EREG: variants seen among roughly 807,000 people sequenced by gnomAD.
The protein encoded by EREG is proepiregulin.
Under a neutral mutation model 22.4 loss-of-function variants are expected in EREG, and 23 were observed. The observed-to-expected ratio is 1.03, with a 90% CI of 0.74 to 1.46. The LOEUF (loss-of-function observed/expected upper bound fraction) is 1.46, where lower values mean the gene tolerates loss of function less well. Ranked by LOEUF, EREG falls within the 40% of genes most tolerant of loss-of-function variation. EREG has a pLI of 0.00. For synonymous variants in EREG, 100 were observed against 75.4 expected, an observed-to-expected ratio of 1.33 and a Z score of -1.69; for missense variants, 226 against 205.9, an observed-to-expected ratio of 1.10 and a Z score of -0.60.
At position 74,381,035 on chromosome 4, in the gene EREG, G is replaced by A. The variant is rs529424022; in HGVS notation, c.176G>A (p.Arg59His). 3.2e-5 allele frequency: 52 copies of A among 1,613,450 alleles called. No homozygotes were observed. The Middle Eastern group carries it at 2.3e-3, about 72-fold the overall frequency. ...ACAGTTCAGACAGAAGACAATCCAC[G>A]TGTGGCTCAAGTGTCAATAACAAAG... is the stretch of plus-strand genomic sequence containing the variant. ...TALVQTEDNPRVAQVSITKCS... is the reference protein window; with the variant it reads ...TALVQTEDNPHVAQVSITKCS... The change falls in exon 3 of 5, where the codon CGT becomes CAT. Residue 59 changes from arginine (R) to histidine (H), a missense_variant. Coordinates refer to ENST00000244869, the MANE Select transcript of EREG (RefSeq NM_001432.3).
At chr4:74,369,529 T>C (rs1347001845) in intron 1 of EREG, among the ~76,000 whole-genome samples, 3 of 152,220 alleles carry the variant, frequency 2.0e-5, no homozygotes, top group Non-Finnish European at 4.4e-5. Context: ...TTCCTTTTAA[T>C]GGCTGAGTAG....
chr4:74,365,370 G>T lies in EREG; in HGVS notation c.62G>T (p.Cys21Phe). 1 of 1,611,798 alleles carries T rather than the reference G, an allele frequency of 6.2e-7. No homozygotes were observed. The highest frequency in any genetic ancestry group is 8.5e-7 in the Non-Finnish European group (1 of 1,179,936). The change falls in exon 1 of 5, where the codon TGC becomes TTC. Residue 21 changes from cysteine (C) to phenylalanine (F), a missense_variant. Coordinates refer to ENST00000244869, the MANE Select transcript of EREG (RefSeq NM_001432.3). ...CAGRVPALLL[C>F]LGFHLLQAVL... Reference sequence around the variant, plus strand: ...GGCAGGGTCCCTGCGCTGCTGCTCTGCCTGGGTAAGTTCTCCCCCTCTGGC... The same window carrying T: ...GGCAGGGTCCCTGCGCTGCTGCTCTTCCTGGGTAAGTTCTCCCCCTCTGGC...
chr4:74,384,225 G>A (rs968871284), intron 4 of EREG, among the ~76,000 whole-genome samples: 1 of 152,120 alleles, frequency 6.6e-6, no homozygotes, highest in African/African-American at 2.4e-5. Flanking sequence ...AAATGTGAGA[G>A]TAAAATAAAT....
chr4:74,383,795 C>T (rs1414692960), intron 4 of EREG, among the ~76,000 whole-genome samples: 9 of 152,038 alleles, frequency 5.9e-5, no homozygotes, highest in Non-Finnish European at 1.0e-4. Flanking sequence ...AATAATAATG[C>T]CTTCCTAATA....
In EREG at chr4:74,365,251, G is replaced by T; in HGVS notation, c.-58G>T. 4.2e-6 allele frequency: 6 copies of T among 1,418,066 alleles called. No individual in the cohort carries two copies. In the Admixed American group the frequency reaches 6.8e-5, roughly 16 times the overall value. 87.8% of individuals were successfully genotyped at this position (1,418,066 alleles called of 1,614,324 possible). A position where few individuals can be genotyped will look rare whatever the true frequency, so the allele number is the denominator to read the frequency against. On this transcript the variant is annotated 5_prime_UTR_variant, in exon 1 of 5. Transcript: ENST00000244869. ...CCGCGAGCCCGTCTGCTCCCGCCCT[G>T]CCCGTGCACTCTCCGCAGCCGCCCT...
At chr4:74,373,732 G>A (rs903755256) in intron 1 of EREG, among the ~76,000 whole-genome samples, 4 of 147,218 alleles carry the variant, frequency 2.7e-5, no homozygotes, top group East Asian at 2.0e-4. Context: ...AAGTATATAC[G>A]TGTGCGTATA....
At chr4:74,369,272 G>A (rs1441900456) in intron 1 of EREG, among the ~76,000 whole-genome samples, 2 of 152,094 alleles carry the variant, frequency 1.3e-5, no homozygotes, top group East Asian at 1.9e-4. Context: ...TGTACCTAAT[G>A]TGTAGTTTTT....
At position 74,365,359 on chromosome 4, in the gene EREG, G is replaced by T. The variant is rs1368693198; in HGVS notation, c.51G>T (p.Ala17=). 6.2e-7 allele frequency: 1 copy of T among 1,611,216 alleles called. No homozygotes were observed. Among genetic ancestry groups the T allele is most frequent in the East Asian group, 2.2e-5 (1 of 44,860 alleles). ...TGCTCTGTGCCGGCAGGGTCCCTGC[G>T]CTGCTGCTCTGCCTGGGTAAGTTCT... ...MEMLCAGRVP[A]LLLCLGFHLL... The change falls in exon 1 of 5, where the codon GCG becomes GCT. Residue 17 remains alanine (A), a synonymous_variant. Transcript: ENST00000244869.
At chr4:74,369,707 G>A (rs906078166) in intron 1 of EREG, among the ~76,000 whole-genome samples, 5 of 151,996 alleles carry the variant, frequency 3.3e-5, no homozygotes, top group Non-Finnish European at 5.9e-5. Flanking sequence ...AAGTTTTATA[G>A]TCTTGAACTA....
At chr4:74,376,324 G>A (rs1752382589) in intron 1 of EREG, among the ~76,000 whole-genome samples, 1 of 152,138 alleles carries the variant, frequency 6.6e-6, no homozygotes, top group Non-Finnish European at 1.5e-5. Context: ...AGGGAGAATT[G>A]GTAATGTCTC....
intron 1 of EREG, among the ~76,000 whole-genome samples, chr4:74,365,618 G>A (rs1350258704): frequency 6.6e-6 from 1 of 151,572 alleles, no homozygotes; most frequent in African/African-American, 2.4e-5. Context: ...GTTATGCATG[G>A]ATTGAAATAT....
chr4:74,386,044 A>C lies in EREG; in HGVS notation c.*1236A>C, dbSNP rs1390396543. The C allele has an allele frequency of 1.4e-5, 5 of 359,880 alleles. No homozygotes were observed. The highest frequency in any genetic ancestry group is 2.1e-5 in the African/African-American group (1 of 47,830). The allele number at this position is 359,880 out of a possible 1,614,324, so 22.3% of individuals were successfully genotyped here. Reference sequence around the variant, plus strand: ...GAAAACTAGGGCTCATTTTCCTGACATTTGTTTATTTTTTGGAAGAGACAA... The same window carrying C: ...GAAAACTAGGGCTCATTTTCCTGACCTTTGTTTATTTTTTGGAAGAGACAA... On this transcript the variant is annotated 3_prime_UTR_variant, in exon 5 of 5. Coordinates refer to ENST00000244869, the MANE Select transcript of EREG (RefSeq NM_001432.3).
chr4:74,382,719 A>T lies in EREG; in HGVS notation c.353A>T (p.Tyr118Phe). 6.2e-7 allele frequency: 1 copy of T among 1,613,684 alleles called. No homozygotes were observed. Among genetic ancestry groups the T allele is most frequent in the Non-Finnish European group, 8.5e-7 (1 of 1,179,592 alleles). Residue 118 changes from tyrosine to phenylalanine, a missense_variant, in exon 4 of 5, where the codon TAT becomes TTT. Tyr to Phe is a conservative substitution (Grantham distance 22). Coordinates refer to ENST00000244869, the MANE Select transcript of EREG (RefSeq NM_001432.3). ...LTVHQPLSKE[Y>F]VALTVILIIL... ...GTCCACCAACCTTTAAGCAAAGAAT[A>T]TGTGGCTTTGACCGTGATTCTTATT...
Position 74,365,180 on chromosome 4 carries a change from C to A in EREG, c.-129C>A, listed in dbSNP as rs1314855340. The stretch of plus-strand genomic sequence containing the variant: ...TATTTCCAGTGTCAGAGGGACACAG[C>A]CAACGTGGGGTCCCTTCTAGGCTGA... On this transcript the variant is annotated 5_prime_UTR_variant, in exon 1 of 5. Transcript: ENST00000244869. 2 of 693,438 alleles carry A rather than the reference C, an allele frequency of 2.9e-6. No individual in the cohort carries two copies. The highest frequency in any genetic ancestry group is 5.0e-6 in the Non-Finnish European group (2 of 396,046). The allele number at this position is 693,438 out of a possible 1,614,324, so 43.0% of individuals were successfully genotyped here.
intron 4 of EREG, among the ~76,000 whole-genome samples, chr4:74,383,968 C>G (rs931880127): frequency 3.3e-5 from 5 of 152,174 alleles, no homozygotes; most frequent in Non-Finnish European, 5.9e-5. Flanking sequence ...CAAATTCTTT[C>G]TAATTCATAT....
At chr4:74,377,889 C>T (rs772461712) in intron 1 of EREG, among the ~76,000 whole-genome samples, 3 of 152,176 alleles carry the variant, frequency 2.0e-5, no homozygotes, top group Non-Finnish European at 4.4e-5. Flanking sequence ...ATGGGGATTA[C>T]GGGTCCCTCT....
intron 1 of EREG, among the ~76,000 whole-genome samples, chr4:74,371,894 A>G (rs1373375081): frequency 6.6e-6 from 1 of 150,780 alleles, no homozygotes; most frequent in Non-Finnish European, 1.5e-5. Flanking sequence ...GGCATCATCT[A>G]TAAATTCTCT....
chr4:74,373,163 T>C (rs1194690837), intron 1 of EREG, among the ~76,000 whole-genome samples: 1 of 152,056 alleles, frequency 6.6e-6, no homozygotes, highest in East Asian at 1.9e-4. Flanking sequence ...GATATACATC[T>C]TTAAATTCAT....
rs1012134749 is a variant in EREG, at chr4:74,388,707, A to T, written c.*3899A>T. On this transcript the variant is annotated 3_prime_UTR_variant, in exon 5 of 5. Transcript: ENST00000244869. Reference sequence around the variant, plus strand: ...TTTATTTTTCTTGGGAATTGAAAAAAATTGAAATAAATAAAAATGCATTGA... The same window carrying T: ...TTTATTTTTCTTGGGAATTGAAAAATATTGAAATAAATAAAAATGCATTGA... The T allele has an allele frequency of 6.6e-6, 1 of 152,474 alleles. No homozygotes were observed. Among genetic ancestry groups the T allele is most frequent in the Non-Finnish European group, 1.5e-5 (1 of 68,010 alleles). 9.4% of individuals were successfully genotyped at this position (152,474 alleles called of 1,614,324 possible). A position where few individuals can be genotyped will look rare whatever the true frequency, so the allele number is the denominator to read the frequency against.
Sources: gnomAD v4.1 joint callset for allele counts (sites outside exome capture counted in the v4.1 genomes callset) on GRCh38, gnomAD v4.1.1 for gene constraint, MANE v1.5 for transcripts, NCBI Gene and HGNC (gene_info 2026-07-23, HGNC 2026-07-21) for gene names.